The following SASH1 variants were observed in gnomAD, a reference collection of about 807,000 sequenced individuals.
SASH1 encodes SAM and SH3 domain-containing protein 1.
In SASH1, 44 loss-of-function variants were observed where a neutral mutation model predicts 125.2. The ratio of observed to expected loss-of-function variants is 0.35; its 90% CI spans 0.28 to 0.45. The LOEUF (loss-of-function observed/expected upper bound fraction) is 0.45, where lower values mean the gene tolerates loss of function less well. SASH1 is among the 20% of genes least tolerant of loss of function. The pLI, the probability that SASH1 is intolerant of heterozygous loss-of-function variation, is 1.00. For synonymous variants in SASH1, 639 were observed against 649.1 expected, an observed-to-expected ratio of 0.98 and a Z score of 0.24; for missense variants, 1,426 against 1,614.5, an observed-to-expected ratio of 0.88 and a Z score of 2.00.
At position 148,456,289 on chromosome 6, in the gene SASH1, C is replaced by T. The variant is rs551611143; in HGVS notation, c.387-12256C>T. Among the ~76,000 whole-genome samples the T allele has an allele frequency of 1.1e-4, 17 of 152,314 alleles. No homozygotes were observed. In the East Asian group the frequency reaches 3.1e-3, roughly 28 times the overall value. On this transcript the variant is annotated intron_variant, in intron 4 of 19. Coordinates refer to ENST00000367467, the MANE Select transcript of SASH1 (RefSeq NM_015278.5). ...GTAAAAATACTCAAAGCTGGGGGCC[C>T]TCCCTGCCCGTCTCTATAGGGATCA... is the stretch of plus-strand genomic sequence containing the variant.
intron 2 of SASH1, among the ~76,000 whole-genome samples, chr6:148,408,181 C>T (rs1156736090): frequency 8.1e-6 from 1 of 124,164 alleles, no homozygotes; most frequent in Non-Finnish European, 1.6e-5. Flanking sequence ...CTTGCTGTGT[C>T]ACTGCAACCT....
chr6:148,540,810 T>C (rs1471078927), intron 17 of SASH1, among the ~76,000 whole-genome samples: 1 of 152,134 alleles, frequency 6.6e-6, no homozygotes. Flanking sequence ...CTTTTCTGTA[T>C]GCAATAAAAA....
intron 4 of SASH1, among the ~76,000 whole-genome samples, chr6:148,445,195 G>C (rs566648681): frequency 6.6e-6 from 1 of 152,236 alleles, no homozygotes; most frequent in Non-Finnish European, 1.5e-5. Flanking sequence ...TCTTTGACCT[G>C]TATCTTGTGA....
chr6:148,261,730 A>C, the SASH1 span, among the ~76,000 whole-genome samples: 4 of 152,140 alleles, frequency 2.6e-5, no homozygotes, highest in African/African-American at 7.2e-5. Flanking sequence ...ACGTCCCTGC[A>C]GGGTATGGGG....
chr6:148,471,698 A>T (rs1354743036), intron 6 of SASH1, among the ~76,000 whole-genome samples, 195 bp downstream of exon 6: 2 of 152,162 alleles, frequency 1.3e-5, no homozygotes, highest in African/African-American at 2.4e-5. Context: ...TAAGTCAAAG[A>T]AAACAAAAGG....
At chr6:148,326,369 T>C (rs9403941) in intron 1 of SASH1, among the ~76,000 whole-genome samples, 2,222 of 56,944 alleles carry the variant, frequency 0.039, 152 homozygotes, top group Non-Finnish European at 0.061. Flanking sequence ...CATATATATA[T>C]ATATACATTC....
At chr6:148,470,039 AAAG>A (rs1460873896) in intron 5 of SASH1, among the ~76,000 whole-genome samples, 2 of 151,746 alleles carry the variant, frequency 1.3e-5, no homozygotes, top group African/African-American at 2.4e-5. Flanking sequence ...AAAAAAAAAA[AAAG>A]AAAGAAAAAG....
At chr6:148,451,762 G>C (rs2115043780) in intron 4 of SASH1, among the ~76,000 whole-genome samples, 1 of 152,342 alleles carries the variant, frequency 6.6e-6, no homozygotes, top group South Asian at 2.1e-4. Context: ...TCCGCCTTTG[G>C]AAGTAGACCA....
chr6:148,222,145 G>T, the SASH1 span, among the ~76,000 whole-genome samples: 2 of 151,996 alleles, frequency 1.3e-5, no homozygotes, highest in African/African-American at 4.8e-5. Context: ...CACATTAAGG[G>T]GCCACAATAT....
At chr6:148,207,879 A>G in the SASH1 span, among the ~76,000 whole-genome samples, 1 of 152,114 alleles carries the variant, frequency 6.6e-6, no homozygotes. Context: ...GAGTCCCCAG[A>G]CTTTAGTATT....
At chr6:148,214,031 A>G in the SASH1 span, among the ~76,000 whole-genome samples, 4 of 152,236 alleles carry the variant, frequency 2.6e-5, no homozygotes, top group Admixed American at 1.3e-4. Context: ...TAGCCAACAC[A>G]GAAAACAGCT....
intron 1 of SASH1, among the ~76,000 whole-genome samples, chr6:148,323,015 T>C (rs1466155469): frequency 6.7e-6 from 1 of 149,674 alleles, no homozygotes; most frequent in African/African-American, 2.5e-5. Context: ...CTTTCTTTCT[T>C]CTTTCCTTTT....
chr6:148,274,105 T>C (rs1471933801), intron 1 of SASH1, among the ~76,000 whole-genome samples: 3 of 152,136 alleles, frequency 2.0e-5, no homozygotes, highest in East Asian at 1.9e-4. Context: ...TCCACGGTCA[T>C]GGGATGAACA....
At chr6:148,498,838 A>C (rs781386066) in intron 8 of SASH1, among the ~76,000 whole-genome samples, 1 of 152,206 alleles carries the variant, frequency 6.6e-6, no homozygotes, top group East Asian at 1.9e-4. Flanking sequence ...GATTGATTAC[A>C]TGTCAATTCC....
chr6:148,526,252 T>TG (rs1781154957), intron 11 of SASH1, among the ~76,000 whole-genome samples: 1 of 151,870 alleles, frequency 6.6e-6, no homozygotes, highest in African/African-American at 2.4e-5. Flanking sequence ...TTAGTAGAGA[T>TG]GGGGTTTCTC....
At chr6:148,331,299 T>C (rs1780989207) in intron 1 of SASH1, among the ~76,000 whole-genome samples, 1 of 152,182 alleles carries the variant, frequency 6.6e-6, no homozygotes, top group African/African-American at 2.4e-5. Flanking sequence ...ATATTATTGA[T>C]GGAATAATTC....
the SASH1 span, among the ~76,000 whole-genome samples, chr6:148,254,794 A>G: frequency 6.6e-6 from 1 of 152,186 alleles, no homozygotes; most frequent in East Asian, 1.9e-4. Flanking sequence ...AGGAAAGAGT[A>G]TGGCAGTTCT....
intron 8 of SASH1, among the ~76,000 whole-genome samples, chr6:148,492,948 A>C (rs1354597024): frequency 6.6e-6 from 1 of 152,188 alleles, no homozygotes; most frequent in African/African-American, 2.4e-5. Context: ...TTACCAAACT[A>C]TTTCTTCATA....
chr6:148,422,459 C>T lies in SASH1; in HGVS notation c.286-17725C>T, dbSNP rs1224304055. ...TGGCTGTGGATGAATGAACATGACCCTGACAAACAGCTGCTGTTCTGAACA... is the reference window on the plus strand; with the variant it reads ...TGGCTGTGGATGAATGAACATGACCTTGACAAACAGCTGCTGTTCTGAACA... On this transcript the variant is annotated intron_variant, in intron 2 of 19. Transcript: ENST00000367467. Among the ~76,000 whole-genome samples, 3 of 152,172 alleles carry T rather than the reference C, an allele frequency of 2.0e-5. No individual in the cohort carries two copies. The East Asian group carries it at 5.8e-4, about 29-fold the overall frequency.
Sources: allele counts gnomAD v4.1 joint callset (sites outside exome capture counted in the v4.1 genomes callset), GRCh38; gene constraint gnomAD v4.1.1; transcripts MANE v1.5; gene names NCBI Gene and HGNC (gene_info 2026-07-23, HGNC 2026-07-21).